Variants in KIF16B observed in about 807,000 individuals in gnomAD.
The protein encoded by KIF16B is kinesin-like protein KIF16B.
KIF16B carries 98 observed loss-of-function variants against 156.3 expected under a neutral mutation model. That is an observed-to-expected ratio of 0.63 (90% confidence interval 0.53 to 0.74). The LOEUF is 0.74. KIF16B is among the 30% of genes least tolerant of loss of function. KIF16B has a pLI of 0.00. For missense variants in KIF16B, 1,421 were observed against 1,606.5 expected, an observed-to-expected ratio of 0.88 and a Z score of 1.97; for synonymous variants, 564 against 583.7, an observed-to-expected ratio of 0.97 and a Z score of 0.49.
chr20:16,388,687 T>C (rs1204034990), intron 17 of KIF16B, among the ~76,000 whole-genome samples: 1 of 152,156 alleles, frequency 6.6e-6, no homozygotes, highest in Non-Finnish European at 1.5e-5. Flanking sequence ...CTACCATTTT[T>C]AGGTATAACT....
intron 12 of KIF16B, among the ~76,000 whole-genome samples, chr20:16,440,276 C>A (rs1173563368): frequency 6.6e-6 from 1 of 152,060 alleles, no homozygotes; most frequent in Non-Finnish European, 1.5e-5. Flanking sequence ...CAGTCAAAAG[C>A]AGCCCTTAAA....
chr20:16,481,552 T>TTCTCATCCAAA (rs1555784084), intron 12 of KIF16B, among the ~76,000 whole-genome samples: 1 of 152,224 alleles, frequency 6.6e-6, no homozygotes, highest in African/African-American at 2.4e-5. Flanking sequence ...GAAATAGGAC[T>TTCTCATCCAAA]TAGCAACCTA....
intron 23 of KIF16B, among the ~76,000 whole-genome samples, chr20:16,342,511 T>C (rs1340085566): frequency 2.0e-5 from 3 of 152,226 alleles, no homozygotes; most frequent in African/African-American, 7.2e-5. Context: ...TGGTTGCTGT[T>C]ATTCTGTTCT....
intron 12 of KIF16B, among the ~76,000 whole-genome samples, chr20:16,485,743 C>T (rs2068095404): frequency 6.6e-6 from 1 of 152,186 alleles, no homozygotes; most frequent in Non-Finnish European, 1.5e-5. Flanking sequence ...TCCTCATGGA[C>T]TTTATATCCT....
rs1055252271 is a variant in KIF16B, at chr20:16,517,293, T to C, written c.232-1629A>G. Among the ~76,000 whole-genome samples the C allele has an allele frequency of 5.3e-5, 8 of 152,236 alleles. No homozygotes were observed. In the East Asian group the frequency reaches 1.5e-3, roughly 29 times the overall value. On this transcript the variant is annotated intron_variant, in intron 3 of 25. Coordinates refer to ENST00000354981, the MANE Select transcript of KIF16B (RefSeq NM_024704.5). The stretch of plus-strand genomic sequence containing the variant: ...CATTTCCACAAATTGCCAGTCTCAC[T>C]CATTCTGAGTTAATTCTTAACCATT...
chr20:16,488,055 C>G (rs2068175456), intron 12 of KIF16B, among the ~76,000 whole-genome samples: 1 of 152,210 alleles, frequency 6.6e-6, no homozygotes, highest in Non-Finnish European at 1.5e-5. Context: ...CCTCTCCCAC[C>G]CGCTGCCACA....
chr20:16,280,901 T>G (rs2063138158), intron 25 of KIF16B, among the ~76,000 whole-genome samples: 1 of 148,358 alleles, frequency 6.7e-6, no homozygotes, highest in African/African-American at 2.5e-5. Context: ...ATTTGGGCCT[T>G]CAGATGCCTT....
chr20:16,367,201 G>T, intron 22 of KIF16B: 1 of 1,611,970 alleles, frequency 6.2e-7, no homozygotes, highest in Non-Finnish European at 8.5e-7. Context: ...AGAATTGAAA[G>T]TAAGTTTCCA....
chr20:16,490,310 G>A (rs2068250067), intron 12 of KIF16B, among the ~76,000 whole-genome samples: 1 of 152,154 alleles, frequency 6.6e-6, no homozygotes, highest in African/African-American at 2.4e-5. Flanking sequence ...GGAGGCTGAG[G>A]CAGGTGGATC....
intron 25 of KIF16B, among the ~76,000 whole-genome samples, chr20:16,286,102 C>T (rs754659875): frequency 2.0e-5 from 3 of 152,170 alleles, no homozygotes; most frequent in Non-Finnish European, 4.4e-5. Flanking sequence ...CTACTTTAGT[C>T]GAATGATGTA....
chr20:16,286,482 T>A (rs2063223950), intron 25 of KIF16B, among the ~76,000 whole-genome samples: 1 of 152,178 alleles, frequency 6.6e-6, no homozygotes, highest in South Asian at 2.1e-4. Flanking sequence ...AATGTTGTTG[T>A]AGCTGAGGAA....
chr20:16,369,008 C>T (rs559847091), intron 22 of KIF16B: 111 of 985,810 alleles, frequency 1.1e-4, no homozygotes, highest in Admixed American at 3.7e-4. Flanking sequence ...TCAAAATGGC[C>T]AGCATGCTCA....
At chr20:16,530,685 T>C (rs1389604436) in intron 1 of KIF16B, among the ~76,000 whole-genome samples, 2 of 151,994 alleles carry the variant, frequency 1.3e-5, no homozygotes, top group Non-Finnish European at 2.9e-5. Context: ...AGATAATACA[T>C]GCTGTGTTTT....
intron 25 of KIF16B, among the ~76,000 whole-genome samples, chr20:16,274,286 T>C (rs773463192): frequency 1.2e-4 from 19 of 152,206 alleles, no homozygotes; most frequent in Non-Finnish European, 4.4e-5. Flanking sequence ...AAAGGAATCC[T>C]TACTACAATT....
chr20:16,498,735 C>G (rs1324272028), intron 10 of KIF16B, among the ~76,000 whole-genome samples: 1 of 151,932 alleles, frequency 6.6e-6, no homozygotes, highest in African/African-American at 2.4e-5. Context: ...CCACTGCCTA[C>G]AGTATGCATG....
chr20:16,569,007 T>G (rs570686940), intron 1 of KIF16B, among the ~76,000 whole-genome samples: 1 of 152,062 alleles, frequency 6.6e-6, no homozygotes, highest in African/African-American at 2.4e-5. Context: ...GGGAGGTGAT[T>G]AGGTCATGAG....
intron 12 of KIF16B, among the ~76,000 whole-genome samples, chr20:16,456,377 A>C (rs2067213422): frequency 6.6e-6 from 1 of 152,136 alleles, no homozygotes; most frequent in Admixed American, 6.5e-5. Flanking sequence ...GAAAAATACC[A>C]CCAGAAAAGG....
At chr20:16,276,757 A>G (rs572823287) in intron 25 of KIF16B, among the ~76,000 whole-genome samples, 1 of 152,340 alleles carries the variant, frequency 6.6e-6, no homozygotes, top group East Asian at 1.9e-4. Flanking sequence ...GAAAGTTCTT[A>G]AGGTCACAGA....
At chr20:16,530,338 A>C (rs1325949092) in intron 1 of KIF16B, among the ~76,000 whole-genome samples, 2 of 152,150 alleles carry the variant, frequency 1.3e-5, no homozygotes, top group Admixed American at 6.5e-5. Flanking sequence ...AAACACACCC[A>C]AGTGATGGTC....
Sources: allele counts gnomAD v4.1 joint callset (sites outside exome capture counted in the v4.1 genomes callset), GRCh38; gene constraint gnomAD v4.1.1; transcripts MANE v1.5; gene names NCBI Gene and HGNC (gene_info 2026-07-23, HGNC 2026-07-21).